ASTN2: variants seen among roughly 807,000 people sequenced by gnomAD.
The protein encoded by ASTN2 is astrotactin 2.
ASTN2 carries 54 observed loss-of-function variants against 139.8 expected under a neutral mutation model. That is an observed-to-expected ratio of 0.39 (90% CI 0.31 to 0.48). The LOEUF (loss-of-function observed/expected upper bound fraction) is 0.48. Ranked by LOEUF, ASTN2 falls within the 20% of genes least tolerant of loss-of-function variation. The pLI is 0.95. For synonymous variants in ASTN2, 756 were observed against 719.5 expected, an observed-to-expected ratio of 1.05 and a Z score of -0.81; for missense variants, 1,565 against 1,725.1, an observed-to-expected ratio of 0.91 and a Z score of 1.64.
chr9:116,590,236 C>T (rs1854324964), intron 19 of ASTN2, among the ~76,000 whole-genome samples: 1 of 152,244 alleles, frequency 6.6e-6, no homozygotes, highest in Admixed American at 6.5e-5. Flanking sequence ...CCTGCAGTCT[C>T]AGGGACCTGG....
chr9:116,700,427 AT>A (rs1861114429), intron 16 of ASTN2: 1 of 167,274 alleles, frequency 6.0e-6, no homozygotes, highest in Non-Finnish European at 1.5e-5. Context: ...AAAGAAGCAT[AT>A]ATGGGTTGGA....
At chr9:116,973,271 C>T (rs898596052) in intron 10 of ASTN2, among the ~76,000 whole-genome samples, 4 of 152,136 alleles carry the variant, frequency 2.6e-5, no homozygotes, top group Non-Finnish European at 2.9e-5. Context: ...GTGAAGTATT[C>T]GGCACTTACT....
Position 117,286,263 on chromosome 9 carries a change from G to T in ASTN2, c.630+5063C>A, listed in dbSNP as rs1404202017. Reference sequence around the variant, plus strand: ...AGCAAAATGAAAAAAACAAATAAATGCAAAAAAGAAACAAGAAGTTGTGAT... The same window carrying T: ...AGCAAAATGAAAAAAACAAATAAATTCAAAAAAGAAACAAGAAGTTGTGAT... On this transcript the variant is annotated intron_variant, in intron 2 of 22. Transcript: ENST00000313400. Among the ~76,000 whole-genome samples the T allele has an allele frequency of 5.3e-5, 8 of 151,454 alleles. No individual in the cohort carries two copies. The South Asian group carries it at 1.7e-3, about 32-fold the overall frequency.
chr9:117,261,430 T>C (rs570857499), intron 2 of ASTN2, among the ~76,000 whole-genome samples: 39 of 152,308 alleles, frequency 2.6e-4, no homozygotes, highest in African/African-American at 9.4e-4. Context: ...TTTACACAGC[T>C]TCAAAGCACT....
intron 16 of ASTN2, among the ~76,000 whole-genome samples, chr9:116,711,158 C>T (rs1828143841): frequency 6.6e-6 from 1 of 152,194 alleles, no homozygotes; most frequent in South Asian, 2.1e-4. Flanking sequence ...CAAGCAACAA[C>T]CCTGAAAGTG....
rs141111531 is a variant in ASTN2 at position 116,962,530 on chromosome 9, G to C, written c.1889+12678C>G. Among the ~76,000 whole-genome samples the C allele has an allele frequency of 6.5e-4, 99 of 152,274 alleles. 1 individual carries two copies. Among genetic ancestry groups the C allele is most frequent in the Middle Eastern group, 6.8e-3 (2 of 294 alleles). On this transcript the variant is annotated intron_variant, in intron 10 of 22. Transcript: ENST00000313400. ...GCTGGTCTTGAACTTGCTCCTACTT[G>C]AGTAGTGTTGGAGAGATTGTAGTAT...
intron 10 of ASTN2, among the ~76,000 whole-genome samples, chr9:116,933,896 A>G (rs1003145130): frequency 6.6e-6 from 1 of 150,972 alleles, no homozygotes. Context: ...AAAATTTAAT[A>G]CTTGGTAAAT....
intron 22 of ASTN2, among the ~76,000 whole-genome samples, chr9:116,433,563 A>G (rs1421263533): frequency 1.3e-5 from 2 of 152,240 alleles, no homozygotes. Flanking sequence ...TTTGGATTTT[A>G]TATAATGAAC....
At chr9:117,063,695 CT>C (rs1564408524) in intron 5 of ASTN2, among the ~76,000 whole-genome samples, 1 of 152,124 alleles carries the variant, frequency 6.6e-6, no homozygotes, top group East Asian at 1.9e-4. Context: ...GGTAAATCAA[CT>C]TTTGTGGGCT....
At chr9:116,890,988 C>T (rs1212583981) in intron 10 of ASTN2, among the ~76,000 whole-genome samples, 1 of 152,188 alleles carries the variant, frequency 6.6e-6, no homozygotes, top group African/African-American at 2.4e-5. Context: ...TTCACATCAA[C>T]AAGGCAATTC....
At chr9:116,843,363 T>G (rs375044631) in intron 11 of ASTN2, among the ~76,000 whole-genome samples, 1 of 152,114 alleles carries the variant, frequency 6.6e-6, no homozygotes, top group Non-Finnish European at 1.5e-5. Flanking sequence ...TTCTCACTTA[T>G]AAGTGGGAGC....
chr9:117,219,727 G>A (rs895476270), intron 2 of ASTN2, among the ~76,000 whole-genome samples: 2 of 152,200 alleles, frequency 1.3e-5, no homozygotes, highest in African/African-American at 4.8e-5. Flanking sequence ...AGGAAGTGGA[G>A]AAGAGATGTG....
At chr9:116,452,835 T>C (rs184371228) in intron 20 of ASTN2, among the ~76,000 whole-genome samples, 3 of 152,212 alleles carry the variant, frequency 2.0e-5, no homozygotes, top group Non-Finnish European at 4.4e-5. Context: ...ATGAACTCCA[T>C]GTTCCCAACT....
At chr9:117,236,104 C>T (rs1159318593) in intron 2 of ASTN2, among the ~76,000 whole-genome samples, 1 of 152,160 alleles carries the variant, frequency 6.6e-6, no homozygotes, top group Non-Finnish European at 1.5e-5. Flanking sequence ...TAGCATTATA[C>T]TCACCAGAAA....
intron 13 of ASTN2, among the ~76,000 whole-genome samples, chr9:116,790,955 A>AAAGAAAGAAAGAAAGAAAGG (rs59916639): frequency 1.0e-5 from 1 of 99,782 alleles, no homozygotes; most frequent in African/African-American, 3.9e-5. Flanking sequence ...AGAAAGAAAG[A>AAAGAAAGAAAGAAAGAAAGG]AAAGAAAGAA....
chr9:117,411,524 G>T (rs1831161490), intron 1 of ASTN2, among the ~76,000 whole-genome samples: 1 of 151,840 alleles, frequency 6.6e-6, no homozygotes, highest in Admixed American at 6.6e-5. Context: ...AGGCAGAATG[G>T]AGGGAGCCAG....
chr9:116,544,454 C>T (rs921548598), intron 19 of ASTN2, among the ~76,000 whole-genome samples: 2 of 152,192 alleles, frequency 1.3e-5, no homozygotes, highest in Non-Finnish European at 2.9e-5. Flanking sequence ...CCCTGAAATG[C>T]TCCACCTTTG....
At chr9:116,761,174 G>T (rs144369103) in intron 13 of ASTN2, among the ~76,000 whole-genome samples, 1 of 152,290 alleles carries the variant, frequency 6.6e-6, no homozygotes, top group African/African-American at 2.4e-5. Context: ...CGATCCCTCT[G>T]CCCTTCCACT....
chr9:116,439,194 ATTTTTT>A (rs1016270368), intron 22 of ASTN2, among the ~76,000 whole-genome samples: 27 of 56,692 alleles, frequency 4.8e-4, no homozygotes, highest in Admixed American at 8.9e-4. Flanking sequence ...ATTCAAATAC[ATTTTTT>A]TTTTTTTTTT....
Sources: allele counts gnomAD v4.1 joint callset (sites outside exome capture counted in the v4.1 genomes callset), GRCh38; gene constraint gnomAD v4.1.1; transcripts MANE v1.5; gene names NCBI Gene and HGNC (gene_info 2026-07-23, HGNC 2026-07-21).